TNFAIP8L3: variants seen among roughly 807,000 people sequenced by gnomAD.
TNFAIP8L3 encodes the protein tumor necrosis factor alpha-induced protein 8-like protein 3.
A neutral mutation model predicts 11.8 loss-of-function variants in TNFAIP8L3; 7 were observed. The observed-to-expected ratio is 0.59, with a 90% CI of 0.34 to 1.11. The LOEUF is 1.11. Among genes scored for constraint, TNFAIP8L3 ranks in the 50% most tolerant of loss-of-function variants. The pLI, the probability that TNFAIP8L3 is intolerant of heterozygous loss-of-function variation, is 0.03. For synonymous variants in TNFAIP8L3, 98 were observed against 103.8 expected (o/e 0.94, Z 0.34); for missense variants, 219 against 258.6 (o/e 0.85, Z 1.05).
intron 1 of TNFAIP8L3, among the ~76,000 whole-genome samples, chr15:51,077,397 G>A (rs1440805125): frequency 6.6e-6 from 1 of 152,110 alleles, no homozygotes; most frequent in Non-Finnish European, 1.5e-5. Flanking sequence ...CCATATCCCA[G>A]CTGCCCCGCC....
intron 1 of TNFAIP8L3, among the ~76,000 whole-genome samples, chr15:51,103,526 A>G (rs1377708532): frequency 6.6e-6 from 1 of 152,208 alleles, no homozygotes; most frequent in East Asian, 1.9e-4. Context: ...TGTTATCTAG[A>G]CATTCATGAG....
upstream of TNFAIP8L3, among the ~76,000 whole-genome samples, chr15:51,095,585 AAGC>A (rs2065508638): frequency 6.6e-6 from 1 of 152,046 alleles, no homozygotes; most frequent in Non-Finnish European, 1.5e-5. Context: ...TTAATTTTAA[AAGC>A]TTTTCTTTGT....
chr15:51,077,757 G>A (rs1480221718), intron 1 of TNFAIP8L3, among the ~76,000 whole-genome samples: 1 of 152,258 alleles, frequency 6.6e-6, no homozygotes, highest in Non-Finnish European at 1.5e-5. Context: ...TGCGCACTGG[G>A]GGAACAGGGG....
chr15:51,078,579 T>G, intron 1 of TNFAIP8L3, among the ~76,000 whole-genome samples: 1 of 151,934 alleles, frequency 6.6e-6, no homozygotes, highest in East Asian at 1.9e-4. Context: ...GCCACCCCTG[T>G]CCCATGGACT....
intron 1 of TNFAIP8L3, among the ~76,000 whole-genome samples, chr15:51,089,798 C>A (rs1220755759): frequency 6.6e-6 from 1 of 152,216 alleles, no homozygotes; most frequent in Non-Finnish European, 1.5e-5. Context: ...AAGGTCCTGA[C>A]TCCGAAAGCA....
upstream of TNFAIP8L3, among the ~76,000 whole-genome samples, chr15:51,099,468 G>C (rs12902747): frequency 2.0e-5 from 3 of 152,162 alleles, no homozygotes; most frequent in Non-Finnish European, 4.4e-5. Context: ...GAGAAAGAGA[G>C]AGAGAGAAGA....
At chr15:51,081,613 T>C (rs563198849) in intron 1 of TNFAIP8L3, among the ~76,000 whole-genome samples, 1 of 152,284 alleles carries the variant, frequency 6.6e-6, no homozygotes, top group South Asian at 2.1e-4. Flanking sequence ...TCTCATTGAG[T>C]GATGACAATT....
intron 1 of TNFAIP8L3, among the ~76,000 whole-genome samples, chr15:51,091,714 ACACG>A (rs2065472172): frequency 6.8e-6 from 1 of 146,644 alleles, no homozygotes; most frequent in Non-Finnish European, 1.5e-5. Flanking sequence ...ACACACACAC[ACACG>A]TGCACACACC....
At chr15:51,084,054 T>A (rs1427216204) in intron 1 of TNFAIP8L3, among the ~76,000 whole-genome samples, 1 of 152,184 alleles carries the variant, frequency 6.6e-6, no homozygotes, top group Non-Finnish European at 1.5e-5. Context: ...ACAATTAAAA[T>A]TACCTATGCA....
intron 1 of TNFAIP8L3, among the ~76,000 whole-genome samples, chr15:51,072,442 G>A (rs781676673): frequency 2.0e-5 from 3 of 152,162 alleles, no homozygotes; most frequent in Non-Finnish European, 4.4e-5. Flanking sequence ...CGCCTGGCCA[G>A]AAATCTAAAA....
intron 1 of TNFAIP8L3, among the ~76,000 whole-genome samples, chr15:51,087,800 T>TTAGGAAA (rs1436536261): frequency 1.3e-5 from 2 of 151,744 alleles, no homozygotes; most frequent in African/African-American, 4.8e-5. Flanking sequence ...GCAATGATGC[T>TTAGGAAA]TAGGAAACCC....
intron 1 of TNFAIP8L3, among the ~76,000 whole-genome samples, chr15:51,101,398 G>T (rs963826009): frequency 6.6e-6 from 1 of 152,126 alleles, no homozygotes; most frequent in Non-Finnish European, 1.5e-5. Flanking sequence ...AAGACAGGCG[G>T]ATCACCTGAG....
At chr15:51,105,261 G>A in exon 1 of TNFAIP8L3, 1 of 1,418,018 alleles carries the variant, frequency 7.1e-7, no homozygotes, top group Non-Finnish European at 9.7e-7. Context: ...CATTACTTGA[G>A]GTAAGACTAG....
chr15:51,079,787 T>C (rs934356231), intron 1 of TNFAIP8L3, among the ~76,000 whole-genome samples: 7 of 144,122 alleles, frequency 4.9e-5, no homozygotes, highest in Non-Finnish European at 8.9e-5. Context: ...AGTTCGAGGC[T>C]GCAGTGAGCT....
intron 1 of TNFAIP8L3, among the ~76,000 whole-genome samples, chr15:51,081,174 TG>T (rs1344043450): frequency 6.6e-6 from 1 of 151,976 alleles, no homozygotes; most frequent in Admixed American, 6.6e-5. Flanking sequence ...CCCAAGGCAG[TG>T]GAAACGGAGA....
At chr15:51,092,616 A>G (rs2065479724) in intron 1 of TNFAIP8L3, among the ~76,000 whole-genome samples, 1 of 152,224 alleles carries the variant, frequency 6.6e-6, no homozygotes, top group African/African-American at 2.4e-5. Flanking sequence ...GCAAACAAAT[A>G]GTGACAGCTC....
At chr15:51,102,249 C>G (rs1433050084) in intron 1 of TNFAIP8L3, among the ~76,000 whole-genome samples, 4 of 152,270 alleles carry the variant, frequency 2.6e-5, no homozygotes, top group Non-Finnish European at 4.4e-5. Context: ...CTGATGCTGA[C>G]TCTCCTCCTG....
At chr15:51,101,806 C>T (rs551067869) in intron 1 of TNFAIP8L3, among the ~76,000 whole-genome samples, 3 of 150,684 alleles carry the variant, frequency 2.0e-5, no homozygotes, top group Admixed American at 1.3e-4. Flanking sequence ...ATTAGCGAGG[C>T]GTGATGGCGG....
chr15:51,090,629 T>G (rs548251423), intron 1 of TNFAIP8L3, among the ~76,000 whole-genome samples: 1 of 152,254 alleles, frequency 6.6e-6, no homozygotes, highest in African/African-American at 2.4e-5. Context: ...TGCCACCTCC[T>G]CAACAGGATC....
Sources: gnomAD v4.1 joint callset for allele counts (sites outside exome capture counted in the v4.1 genomes callset) on GRCh38, gnomAD v4.1.1 for gene constraint, MANE v1.5 for transcripts, NCBI Gene and HGNC (gene_info 2026-07-23, HGNC 2026-07-21) for gene names.